DNM3: variants seen among roughly 807,000 people sequenced by gnomAD.
DNM3 encodes the protein dynamin-3.
Under a neutral mutation model 101.6 loss-of-function variants are expected in DNM3, and 47 were observed. That is an observed-to-expected ratio of 0.46 (90% CI 0.37 to 0.59). DNM3 has a LOEUF of 0.59. Among genes scored for constraint, DNM3 ranks in the 20% least tolerant of loss-of-function variants. The probability of loss-of-function intolerance (pLI) is 0.00; values close to 1 mark genes in which losing one functional copy is unlikely to be tolerated. For synonymous variants in DNM3, 385 were observed against 387.9 expected, an observed-to-expected ratio of 0.99 and a Z score of 0.09; for missense variants, 849 against 1,085.7, an observed-to-expected ratio of 0.78 and a Z score of 3.06.
chr1:172,322,017 A>G (rs2148910976), intron 16 of DNM3, among the ~76,000 whole-genome samples: 1 of 152,260 alleles, frequency 6.6e-6, no homozygotes, highest in East Asian at 1.9e-4. Flanking sequence ...GCAACTCACA[A>G]TGCCAAGAAA....
intron 10 of DNM3, among the ~76,000 whole-genome samples, chr1:172,067,771 G>A (rs545391081): frequency 6.6e-6 from 1 of 152,122 alleles, no homozygotes; most frequent in East Asian, 1.9e-4. Flanking sequence ...ATTTAGATGG[G>A]GTTAAGTGAT....
At chr1:172,210,938 A>G (rs1289566150) in intron 14 of DNM3, among the ~76,000 whole-genome samples, 2 of 152,140 alleles carry the variant, frequency 1.3e-5, no homozygotes, top group Admixed American at 6.6e-5. Flanking sequence ...GGCATTTTTT[A>G]CATCCAGCGA....
Position 172,023,845 on chromosome 1 carries a change from GGT to G in DNM3, c.590-8556_590-8555del, listed in dbSNP as rs969910263. Reference sequence around the variant, plus strand: ...GCCATTTCTCTAGTTTTAACAATGTGGTTTTTTTTTTTTTCCTTGTTTACTTC... The same window carrying G: ...GCCATTTCTCTAGTTTTAACAATGTGTTTTTTTTTTTTCCTTGTTTACTTC... On this transcript the variant is annotated intron_variant, in intron 4 of 20. Coordinates refer to ENST00000627582, the MANE Select transcript of DNM3 (RefSeq NM_015569.5). 1.9e-3 allele frequency among the ~76,000 whole-genome samples: 15 copies of G among 7,846 alleles called. No homozygotes were observed. In the South Asian group the frequency reaches 0.037, roughly 19 times the overall value. The allele number at this position is 7,846 out of a possible 152,430, so 5.1% of individuals were successfully genotyped here. A position where few individuals can be genotyped will look rare whatever the true frequency, so the allele number is the denominator to read the frequency against.
At chr1:172,025,605 GAACA>G (rs1192327442) in intron 4 of DNM3, among the ~76,000 whole-genome samples, 1 of 152,154 alleles carries the variant, frequency 6.6e-6, no homozygotes, top group African/African-American at 2.4e-5. Flanking sequence ...CCAGAGGAAG[GAACA>G]GACAGCAGTC....
At chr1:172,016,592 A>G (rs182655993) in intron 4 of DNM3, among the ~76,000 whole-genome samples, 174 of 152,256 alleles carry the variant, frequency 1.1e-3, no homozygotes, top group African/African-American at 4.1e-3. Flanking sequence ...TGGTTTTGGT[A>G]TTAGGGTAAT....
chr1:172,380,943 T>C lies in DNM3; in HGVS notation c.2058+1761T>C, dbSNP rs145890981. On this transcript the variant is annotated intron_variant, in intron 18 of 20. Coordinates refer to ENST00000627582, the MANE Select transcript of DNM3 (RefSeq NM_015569.5). The stretch of plus-strand genomic sequence containing the variant: ...CACAGGAAATAGCACTTCCTGCCTA[T>C]AGCTGTGAGGAGTAGCTTGACACAA... The C allele has an allele frequency of 1.7e-3, 254 of 147,002 alleles. 1 individual carries two copies. The highest frequency in any genetic ancestry group is 6.2e-3 in the African/African-American group (245 of 39,590). The allele number at this position is 147,002 out of a possible 1,614,324, so 9.1% of individuals were successfully genotyped here.
intron 4 of DNM3, among the ~76,000 whole-genome samples, chr1:171,991,954 C>T (rs2045661215): frequency 1.3e-5 from 2 of 152,196 alleles, no homozygotes. Context: ...TACCTTGGTT[C>T]AGCCTCTTTG....
chr1:172,259,276 T>C (rs1362370117), intron 15 of DNM3, among the ~76,000 whole-genome samples: 3 of 152,148 alleles, frequency 2.0e-5, no homozygotes, highest in African/African-American at 7.2e-5. Context: ...TGGTCTAATA[T>C]GCAGTTTAAA....
At chr1:172,250,156 G>A (rs533103741) in intron 14 of DNM3, among the ~76,000 whole-genome samples, 1 of 152,046 alleles carries the variant, frequency 6.6e-6, no homozygotes, top group Non-Finnish European at 1.5e-5. Flanking sequence ...TTAATATAAG[G>A]GAGAGAGATG....
chr1:172,209,437 AACTTT>A (rs1472460660), intron 14 of DNM3, among the ~76,000 whole-genome samples: 2 of 152,024 alleles, frequency 1.3e-5, no homozygotes, highest in African/African-American at 4.8e-5. Flanking sequence ...ATCATTTTTC[AACTTT>A]ACTTATACTA....
At position 172,404,888 on chromosome 1, in the gene DNM3, T is replaced by C. The variant is rs533795638; in HGVS notation, c.2523-2884T>C. ...ATAGATGCTGAGCTCTTTAAAGTCA[T>C]GTAGCATGAAGCAGTCCACATATTA... is the stretch of plus-strand genomic sequence containing the variant. On this transcript the variant is annotated intron_variant, in intron 20 of 20. Coordinates refer to ENST00000627582, the MANE Select transcript of DNM3 (RefSeq NM_015569.5). 3.9e-5 allele frequency among the ~76,000 whole-genome samples: 6 copies of C among 152,260 alleles called. No homozygotes were observed. In the South Asian group the frequency reaches 1.2e-3, roughly 31 times the overall value.
intron 1 of DNM3, among the ~76,000 whole-genome samples, chr1:171,920,199 C>A (rs2040045763): frequency 6.6e-6 from 1 of 152,162 alleles, no homozygotes; most frequent in African/African-American, 2.4e-5. Flanking sequence ...ACTCTCCATT[C>A]CAAACTATCA....
chr1:172,117,205 C>CA (rs879796172), intron 13 of DNM3, among the ~76,000 whole-genome samples: 1,303 of 128,992 alleles, frequency 0.01, 12 homozygotes, highest in African/African-American at 0.032. Flanking sequence ...AACTCCATCT[C>CA]AAAAAAAAAA....
chr1:172,121,919 ACAGT>A (rs1558603394), intron 13 of DNM3, among the ~76,000 whole-genome samples: 1 of 152,290 alleles, frequency 6.6e-6, no homozygotes, highest in African/African-American at 2.4e-5. Flanking sequence ...CTTATTTAAA[ACAGT>A]CAGGCTTCTT....
At chr1:171,914,067 G>C (rs1057390357) in intron 1 of DNM3, among the ~76,000 whole-genome samples, 4 of 152,172 alleles carry the variant, frequency 2.6e-5, no homozygotes, top group African/African-American at 9.7e-5. Context: ...TAAAATTACA[G>C]ATGTAAGCCA....
chr1:171,936,202 C>A (rs777712816), intron 2 of DNM3, among the ~76,000 whole-genome samples: 1 of 151,772 alleles, frequency 6.6e-6, no homozygotes. Flanking sequence ...ACTAAAAACA[C>A]GAAACAGCCG....
At chr1:171,852,014 C>A (rs1382772188) in intron 1 of DNM3, among the ~76,000 whole-genome samples, 2 of 152,132 alleles carry the variant, frequency 1.3e-5, no homozygotes, top group African/African-American at 4.8e-5. Flanking sequence ...CAGGACATAT[C>A]TTTTTATTAG....
intron 10 of DNM3, among the ~76,000 whole-genome samples, chr1:172,059,167 G>C (rs1160795172): frequency 1.3e-5 from 2 of 150,232 alleles, no homozygotes; most frequent in Admixed American, 6.6e-5. Context: ...TCTCTGAATA[G>C]ACCAATAACA....
chr1:172,253,525 C>T, intron 14 of DNM3, 48 bp from the exon 15 acceptor site: 2 of 1,299,560 alleles, frequency 1.5e-6, no homozygotes, highest in African/African-American at 1.5e-5. Flanking sequence ...CTCTCCTCTC[C>T]TCTCCTCTCC....
Sources: gnomAD v4.1 joint callset for allele counts (sites outside exome capture counted in the v4.1 genomes callset) on GRCh38, gnomAD v4.1.1 for gene constraint, MANE v1.5 for transcripts, NCBI Gene and HGNC (gene_info 2026-07-23, HGNC 2026-07-21) for gene names.